Variants in FADS1 observed in about 807,000 individuals in gnomAD.
FADS1 encodes the protein fatty acid desaturase 1, also known as acyl-CoA (8-3)-desaturase.
A neutral mutation model predicts 61.6 loss-of-function variants in FADS1; 17 were observed. The observed-to-expected ratio is 0.28, with a 90% CI of 0.19 to 0.41. The LOEUF (loss-of-function observed/expected upper bound fraction) is 0.41. FADS1 is among the 10% of genes least tolerant of loss of function. FADS1 has a pLI of 1.00. For synonymous variants in FADS1, 238 were observed against 258.7 expected (o/e 0.92, Z 0.77); for missense variants, 387 against 650.9 (o/e 0.59, Z 4.41).
chr11:61,802,441 C>A lies in FADS1; in HGVS notation c.1476G>T (p.Gln492His). 1 of 1,566,902 alleles carries A rather than the reference C, an allele frequency of 6.4e-7. No homozygotes were observed. The highest frequency in any genetic ancestry group is 8.7e-7 in the Non-Finnish European group (1 of 1,154,572). ...GGTGAAGATAGGCATCTAGCCAGAG[C>A]TGCCCTGACTCCTTTAGTGAGCTGC... The part of the protein sequence containing the change: ...DIIHSLKESG[Q>H]LWLDAYLHQ Residue 492 changes from glutamine (Q) to histidine (H), a missense_variant, in exon 12 of 12, where the codon CAG becomes CAT. Around this residue, in one of 2 missense-constraint regions of FADS1, gnomAD observed 257 missense variants for 533.3 expected, o/e 0.48. Transcript: ENST00000350997. The surrounding 1 kb of genome is among the most constrained non-coding windows in gnomAD (Gnocchi z 4.2).
In FADS1 at chr11:61,800,417, G is replaced by A. The variant is rs1282455115; in HGVS notation, c.*1994C>T. The A allele has an allele frequency of 1.3e-5, 2 of 152,358 alleles. No homozygotes were observed. The highest frequency in any genetic ancestry group is 6.5e-5 in the Admixed American group (1 of 15,274). The allele number at this position is 152,358 out of a possible 1,614,324, so 9.4% of individuals were successfully genotyped here. Reference sequence around the variant, plus strand: ...ACCTAGTTCTCCAGCTAAGTAAAATGTGCCCAAATGGAAAACATCTAAATC... The same window carrying A: ...ACCTAGTTCTCCAGCTAAGTAAAATATGCCCAAATGGAAAACATCTAAATC... On this transcript the variant is annotated 3_prime_UTR_variant, in exon 12 of 12. Transcript: ENST00000350997.
Position 61,813,406 on chromosome 11 carries a change from G to A in FADS1, c.376-53C>T, listed in dbSNP as rs573072898. 762 of 1,077,346 alleles carry A rather than the reference G, an allele frequency of 7.1e-4. 2 individuals carry two copies. The highest frequency in any genetic ancestry group is 9.4e-4 in the Non-Finnish European group (663 of 703,606). The allele number at this position is 1,077,346 out of a possible 1,614,324, so 66.7% of individuals were successfully genotyped here. ...TGAGGGAGCCAGCCCCCTGGACTCCGGCAGTGTTCGCACCAAAGGCCATCC... is the reference window on the plus strand; with the variant it reads ...TGAGGGAGCCAGCCCCCTGGACTCCAGCAGTGTTCGCACCAAAGGCCATCC... On this transcript the variant is annotated intron_variant, in intron 1 of 11. Coordinates refer to ENST00000350997, the MANE Select transcript of FADS1 (RefSeq NM_013402.7).
Position 61,816,222 on chromosome 11 carries a change from C to T in FADS1, c.375+333G>A. Reference sequence around the variant, plus strand: ...GCCTGCATCCTTGCTCTCCTCCCTCCTAGCCTACCCAGCTCGGGGTTCTGT... The same window carrying T: ...GCCTGCATCCTTGCTCTCCTCCCTCTTAGCCTACCCAGCTCGGGGTTCTGT... On this transcript the variant is annotated intron_variant, in intron 1 of 11. Transcript: ENST00000350997. The surrounding 1 kb of genome is among the most constrained non-coding windows in gnomAD (Gnocchi z 7.0). 1 of 1,587,316 alleles carries T rather than the reference C, an allele frequency of 6.3e-7. No individual in the cohort carries two copies. Among genetic ancestry groups the T allele is most frequent in the Admixed American group, 1.7e-5 (1 of 59,436 alleles).
chr11:61,801,919 C>G lies in FADS1; in HGVS notation c.*492G>C, dbSNP rs973820809. 6.8e-6 allele frequency: 1 copy of G among 147,710 alleles called. No homozygotes were observed. The highest frequency in any genetic ancestry group is 2.5e-5 in the African/African-American group (1 of 40,038). The allele number at this position is 147,710 out of a possible 1,614,324, so 9.1% of individuals were successfully genotyped here. On this transcript the variant is annotated 3_prime_UTR_variant, in exon 12 of 12. Transcript: ENST00000350997. The stretch of plus-strand genomic sequence containing the variant: ...TTTTTGAAATGGAGTCTTGCTCTGT[C>G]GCCCAGGCTGGAGTACAATGGCGTG...
At chr11:61,805,090 A>C in intron 6 of FADS1, 1 of 452,514 alleles carries the variant, frequency 2.2e-6, no homozygotes, top group South Asian at 5.6e-5. Flanking sequence ...ATTATTTTTC[A>C]TTTTTCTTCT....
chr11:61,814,827 A>G (rs2066962425), intron 1 of FADS1: 1 of 152,262 alleles, frequency 6.6e-6, no homozygotes, highest in African/African-American at 2.4e-5. Flanking sequence ...CTAGGTCCCC[A>G]TTCGACCCAT....
rs960617229 is a variant in FADS1 at position 61,801,787 on chromosome 11, G to T, written c.*624C>A. ...TGCTGTTATAATTCTTGCTCATCAG[G>T]TTCAACTGCCTTATCCCTCTGAGGT... On this transcript the variant is annotated 3_prime_UTR_variant, in exon 12 of 12. Coordinates refer to ENST00000350997, the MANE Select transcript of FADS1 (RefSeq NM_013402.7). The T allele has an allele frequency of 3.9e-5, 6 of 152,568 alleles. No individual in the cohort carries two copies. The highest frequency in any genetic ancestry group is 1.2e-4 in the African/African-American group (5 of 41,422). The allele number at this position is 152,568 out of a possible 1,614,324, so 9.5% of individuals were successfully genotyped here.
chr11:61,811,873 C>A (rs1293103554), intron 3 of FADS1: 1 of 444,180 alleles, frequency 2.3e-6, no homozygotes, highest in East Asian at 7.3e-5. Flanking sequence ...CAGGCGTGAG[C>A]CACTGTGCCT....
intron 6 of FADS1, chr11:61,806,381 AAAGC>A (rs2066894983): frequency 2.3e-6 from 1 of 444,070 alleles, no homozygotes; most frequent in African/African-American, 2.0e-5. Flanking sequence ...GGTTGAGGAT[AAAGC>A]AAGAGGCCCC....
chr11:61,812,448 C>A, intron 3 of FADS1, 23 bp downstream of exon 3: 1 of 1,611,794 alleles, frequency 6.2e-7, no homozygotes, highest in South Asian at 1.1e-5. Context: ...TTGCTGTGCA[C>A]TTGACAAGCC....
Position 61,803,227 on chromosome 11 carries a change from C to T in FADS1, c.1249-116G>A. On this transcript the variant is annotated intron_variant, in intron 9 of 11. Transcript: ENST00000350997. This position sits in a 1 kb window ranked among gnomAD's most constrained non-coding sequence, Gnocchi z 4.3. ...ATGAGACTGTCTTGGTCACTCCCTTCACATGGTTGCAGAACAAGAGCCTCA... is the reference window on the plus strand; with the variant it reads ...ATGAGACTGTCTTGGTCACTCCCTTTACATGGTTGCAGAACAAGAGCCTCA... The T allele has an allele frequency of 1.6e-6, 2 of 1,242,200 alleles. No individual in the cohort carries two copies. The highest frequency in any genetic ancestry group is 2.4e-6 in the Non-Finnish European group (2 of 847,024). 76.9% of individuals were successfully genotyped at this position (1,242,200 alleles called of 1,614,324 possible). A position where few individuals can be genotyped will look rare whatever the true frequency, so the allele number is the denominator to read the frequency against.
At chr11:61,805,687 A>T (rs537521624) in intron 6 of FADS1, 2 of 152,334 alleles carry the variant, frequency 1.3e-5, no homozygotes, top group African/African-American at 2.4e-5. Context: ...TCTTTAAAAA[A>T]TTTGAAAATT....
chr11:61,806,840 C>A, intron 5 of FADS1, 116 bp from the exon 6 acceptor site: 1 of 919,352 alleles, frequency 1.1e-6, no homozygotes, highest in Non-Finnish European at 1.8e-6. Context: ...CTTGTTGGTG[C>A]TATTGGAAAG....
At chr11:61,809,816 C>T (rs1422484097) in intron 5 of FADS1, among the ~76,000 whole-genome samples, 4 of 152,150 alleles carry the variant, frequency 2.6e-5, no homozygotes, top group Admixed American at 2.0e-4. Context: ...AAAATAAGAA[C>T]ATTATGGACA....
Position 61,816,715 on chromosome 11 carries a change from G to A in FADS1, c.215C>T (p.Pro72Leu), listed in dbSNP as rs753242126. The A allele has an allele frequency of 2.1e-5, 33 of 1,572,368 alleles. No individual in the cohort carries two copies. The South Asian group carries it at 3.8e-4, about 18-fold the overall frequency. The change falls in exon 1 of 12, where the codon CCT becomes CTT. Residue 72 changes from proline to leucine, a missense_variant. Pro to Leu is a moderately conservative substitution (Grantham distance 98). Around this residue, in one of 2 missense-constraint regions of FADS1, gnomAD observed 130 missense variants for 117.7 expected, o/e 1.10. Transcript: ENST00000350997. This position sits in a 1 kb window ranked among gnomAD's most constrained non-coding sequence, Gnocchi z 7.0. ...GTCCCAGGTGAAGTAGCGCGGGGTA[G>A]GTCCCTGAGCCGCGGTCTCGGCGGC... The part of the protein sequence containing the change: ...PVAAETAAQG[P>L]TPRYFTWDEV...
At position 61,816,932 on chromosome 11, in the gene FADS1, G is replaced by T. The variant is rs1412940810; in HGVS notation, c.-3C>A. On this transcript the variant is annotated 5_prime_UTR_variant, in exon 1 of 12. Transcript: ENST00000350997. The surrounding 1 kb of genome is among the most constrained non-coding windows in gnomAD (Gnocchi z 7.0). Reference sequence around the variant, plus strand: ...GGCCTCGCAGCGCGCGTTCCCATTGGCCGAGCCTCGTGGCGCGGGGAGCGA... The same window carrying T: ...GGCCTCGCAGCGCGCGTTCCCATTGTCCGAGCCTCGTGGCGCGGGGAGCGA... 7.2e-7 allele frequency: 1 copy of T among 1,384,736 alleles called. No homozygotes were observed. Among genetic ancestry groups the T allele is most frequent in the Non-Finnish European group, 9.3e-7 (1 of 1,078,370 alleles). The allele number at this position is 1,384,736 out of a possible 1,614,324, so 85.8% of individuals were successfully genotyped here.
Position 61,803,331 on chromosome 11 carries a change from A to T in FADS1, c.1248+32T>A, listed in dbSNP as rs766922513. ...ACGCATCCTTTTCAATAGTTGTGTT[A>T]TGCTCCAGTCTTCTGAGTGACTGTC... On this transcript the variant is annotated intron_variant, in intron 9 of 11. Transcript: ENST00000350997. This position sits in a 1 kb window ranked among gnomAD's most constrained non-coding sequence, Gnocchi z 4.3. 6.5e-7 allele frequency: 1 copy of T among 1,547,618 alleles called. No individual in the cohort carries two copies. Among genetic ancestry groups the T allele is most frequent in the South Asian group, 1.1e-5 (1 of 89,640 alleles).
Position 61,816,113 on chromosome 11 carries a change from A to T in FADS1, c.375+442T>A, listed in dbSNP as rs2066979540. ...CGAGTGGAGACCGGCACCTAGGTCC[A>T]GACGCGGCTGCGCTGCCTCTCCTAG... On this transcript the variant is annotated intron_variant, in intron 1 of 11. Coordinates refer to ENST00000350997, the MANE Select transcript of FADS1 (RefSeq NM_013402.7). The surrounding 1 kb of genome is among the most constrained non-coding windows in gnomAD (Gnocchi z 7.0). 5 of 690,876 alleles carry T rather than the reference A, an allele frequency of 7.2e-6. No individual in the cohort carries two copies. The South Asian group carries it at 9.6e-5, about 13-fold the overall frequency. The allele number at this position is 690,876 out of a possible 1,614,324, so 42.8% of individuals were successfully genotyped here. A position where few individuals can be genotyped will look rare whatever the true frequency, so the allele number is the denominator to read the frequency against.
At chr11:61,806,611 C>T (rs1216149599) in intron 6 of FADS1, 53 bp downstream of exon 6, 1 of 1,475,782 alleles carries the variant, frequency 6.8e-7, no homozygotes, top group Non-Finnish European at 9.5e-7. Context: ...CCTCCTCATT[C>T]CCTCAGCATT....
Sources: allele counts gnomAD v4.1 joint callset (sites outside exome capture counted in the v4.1 genomes callset), GRCh38; gene constraint gnomAD v4.1.1; regional missense constraint gnomAD v4.1.1; non-coding constraint Gnocchi (gnomAD v3.1); transcripts MANE v1.5; gene names NCBI Gene and HGNC (gene_info 2026-07-23, HGNC 2026-07-21).